PFKFB4: variants seen among roughly 807,000 people sequenced by gnomAD.
PFKFB4 encodes the protein 6-phosphofructo-2-kinase/fructose-2,6-biphosphatase 4.
A neutral mutation model predicts 62.8 loss-of-function variants in PFKFB4; 42 were observed. The observed-to-expected ratio is 0.67, with a 90% CI of 0.52 to 0.86. The LOEUF (loss-of-function observed/expected upper bound fraction) is 0.86, where lower values mean the gene tolerates loss of function less well. Ranked by LOEUF, PFKFB4 falls within the 40% of genes least tolerant of loss-of-function variation. The pLI, the probability that PFKFB4 is intolerant of heterozygous loss-of-function variation, is 0.00. For synonymous variants in PFKFB4, 204 were observed against 240.7 expected (o/e 0.85, Z 1.41); for missense variants, 475 against 627.2 (o/e 0.76, Z 2.59).
intron 3 of PFKFB4, among the ~76,000 whole-genome samples, chr3:48,545,630 T>C (rs1373558402): frequency 6.6e-6 from 1 of 151,626 alleles, no homozygotes; most frequent in Admixed American, 6.6e-5. Flanking sequence ...TTCTTTTCTT[T>C]CTTTTGTTTT....
chr3:48,536,140 C>G (rs528096069), intron 8 of PFKFB4, 116 bp downstream of exon 8: 2 of 847,732 alleles, frequency 2.4e-6, no homozygotes, highest in Non-Finnish European at 3.7e-6. Context: ...TCATTCACCT[C>G]GACTGCACAT....
upstream of PFKFB4, chr3:48,559,946 A>G (rs965451197): frequency 5.2e-6 from 1 of 190,742 alleles, no homozygotes; most frequent in African/African-American, 3.1e-5. Flanking sequence ...ACACACACAC[A>G]CACAGTCTCG....
Position 48,536,802 on chromosome 3 carries a change from C to T in PFKFB4, c.633-339G>A, listed in dbSNP as rs946862304. 4.5e-5 allele frequency: 14 copies of T among 310,708 alleles called. No individual in the cohort carries two copies. The Admixed American group carries it at 4.9e-4, about 11-fold the overall frequency. 19.2% of individuals were successfully genotyped at this position (310,708 alleles called of 1,614,324 possible). A position where few individuals can be genotyped will look rare whatever the true frequency, so the allele number is the denominator to read the frequency against. ...CCTGGGGCCCCTGTTGGCCTATCTCCGCACTCTCAATACACTGTCTGTAAG... is the reference window on the plus strand; with the variant it reads ...CCTGGGGCCCCTGTTGGCCTATCTCTGCACTCTCAATACACTGTCTGTAAG... On this transcript the variant is annotated intron_variant, in intron 7 of 13. Coordinates refer to ENST00000232375, the MANE Select transcript of PFKFB4 (RefSeq NM_004567.4).
chr3:48,561,841 AACCG>A (rs1209014357), upstream of PFKFB4: 1 of 152,246 alleles, frequency 6.6e-6, no homozygotes, highest in Non-Finnish European at 1.5e-5. The surrounding 1 kb of genome is among the most constrained non-coding windows in gnomAD (Gnocchi z 5.2). Flanking sequence ...CAGATAAGGA[AACCG>A]AGGCTCGGAA....
rs2042107620 is a variant in PFKFB4, at chr3:48,521,924, T to G, written c.1350+62A>C. The G allele has an allele frequency of 7.3e-7, 1 of 1,365,870 alleles. No individual in the cohort carries two copies. 84.6% of individuals were successfully genotyped at this position (1,365,870 alleles called of 1,614,324 possible). ...CAGCTGGGCCTGGCCCTGGAGGATG[T>G]GCAGTCTGGACACCCCCACATCAGG... On this transcript the variant is annotated intron_variant, in intron 13 of 13. Coordinates refer to ENST00000232375, the MANE Select transcript of PFKFB4 (RefSeq NM_004567.4). This position sits in a 1 kb window ranked among gnomAD's most constrained non-coding sequence, Gnocchi z 5.3.
chr3:48,519,600 G>T lies in PFKFB4; in HGVS notation c.*147C>A. 1.5e-6 allele frequency: 1 copy of T among 650,906 alleles called. No individual in the cohort carries two copies. Among genetic ancestry groups the T allele is most frequent in the Non-Finnish European group, 2.7e-6 (1 of 365,176 alleles). The allele number at this position is 650,906 out of a possible 1,614,324, so 40.3% of individuals were successfully genotyped here. A position where few individuals can be genotyped will look rare whatever the true frequency, so the allele number is the denominator to read the frequency against. ...TGTCAACAAAGAGCCAGGTGGGCTGGGGTGGGGGCTCTGGGTTCCGCCAGC... is the reference window on the plus strand; with the variant it reads ...TGTCAACAAAGAGCCAGGTGGGCTGTGGTGGGGGCTCTGGGTTCCGCCAGC... On this transcript the variant is annotated 3_prime_UTR_variant, in exon 14 of 14. Transcript: ENST00000232375.
rs1403327505 is a variant in PFKFB4, at chr3:48,556,076, G to T, written c.97+605C>A. ...TTACTGTACACCCATGACCCCAGGT[G>T]GATACTTACATGTCCCGGGACACAG... is the stretch of plus-strand genomic sequence containing the variant. On this transcript the variant is annotated intron_variant, in intron 1 of 13. Coordinates refer to ENST00000232375, the MANE Select transcript of PFKFB4 (RefSeq NM_004567.4). This position sits in a 1 kb window ranked among gnomAD's most constrained non-coding sequence, Gnocchi z 5.7. 6.6e-6 allele frequency: 3 copies of T among 456,632 alleles called. No homozygotes were observed. The highest frequency in any genetic ancestry group is 1.3e-5 in the Non-Finnish European group (3 of 226,970). 28.3% of individuals were successfully genotyped at this position (456,632 alleles called of 1,614,324 possible). A position where few individuals can be genotyped will look rare whatever the true frequency, so the allele number is the denominator to read the frequency against.
At position 48,529,020 on chromosome 3, in the gene PFKFB4, CTTAT is replaced by C. The variant is rs541772549; in HGVS notation, c.988-3355_988-3352del. ...ACACTAAAAACCACTGAACTGTATA[CTTAT>C]TTATTTATTTATTTATTTATTTATT... On this transcript the variant is annotated intron_variant, in intron 9 of 13. Transcript: ENST00000232375. Among the ~76,000 whole-genome samples, 1,135 of 151,678 alleles carry C rather than the reference CTTAT, an allele frequency of 7.5e-3. 15 individuals carry two copies. The highest frequency in any genetic ancestry group is 0.025 in the African/African-American group (1,027 of 41,260).
Position 48,556,628 on chromosome 3 carries a change from T to TA in PFKFB4, c.97+52dup. ...TGCGAGACCCCCGCCCAGGCCGCCC[T>TA]ACCCACCCATCCCGGTGCACCTCCC... On this transcript the variant is annotated intron_variant, in intron 1 of 13. Transcript: ENST00000232375. This position sits in a 1 kb window ranked among gnomAD's most constrained non-coding sequence, Gnocchi z 5.7. 1.4e-6 allele frequency: 1 copy of TA among 712,286 alleles called. No individual in the cohort carries two copies. The highest frequency in any genetic ancestry group is 2.2e-6 in the Non-Finnish European group (1 of 453,640). The allele number at this position is 712,286 out of a possible 1,614,324, so 44.1% of individuals were successfully genotyped here.
intron 8 of PFKFB4, among the ~76,000 whole-genome samples, chr3:48,535,954 G>C (rs1395828145): frequency 6.6e-6 from 1 of 152,170 alleles, no homozygotes; most frequent in Non-Finnish European, 1.5e-5. Flanking sequence ...GTCTCCCCTG[G>C]ACTGTGGCAC....
chr3:48,540,202 G>C (rs2042756563), intron 4 of PFKFB4, among the ~76,000 whole-genome samples: 1 of 152,192 alleles, frequency 6.6e-6, no homozygotes, highest in Non-Finnish European at 1.5e-5. Flanking sequence ...AGGATAAAGA[G>C]AAAAAGAGAT....
intron 3 of PFKFB4, among the ~76,000 whole-genome samples, chr3:48,546,599 C>T: frequency 6.6e-6 from 1 of 152,202 alleles, no homozygotes; most frequent in Admixed American, 6.5e-5. Context: ...AGAATGGTCC[C>T]CTTCGAAAGG....
chr3:48,562,619 C>T, upstream of PFKFB4: 1 of 675,642 alleles, frequency 1.5e-6, no homozygotes, highest in Non-Finnish European at 2.5e-6. This position sits in a 1 kb window ranked among gnomAD's most constrained non-coding sequence, Gnocchi z 4.3. Context: ...CTGATATGAC[C>T]TGCATGACAG....
At chr3:48,543,091 T>C (rs2107552610) in intron 4 of PFKFB4, among the ~76,000 whole-genome samples, 1 of 152,238 alleles carries the variant, frequency 6.6e-6, no homozygotes, top group African/African-American at 2.4e-5. Flanking sequence ...AGCCCCTGTG[T>C]TTGACTATAT....
chr3:48,523,533 T>A lies in PFKFB4; in HGVS notation c.1285+4A>T, dbSNP rs201101696. Reference sequence around the variant, plus strand: ...CATGGTCAATGTGCAGGAAGCTTCCTTACCATATGCCACAGGAGTCAGCTT... The same window carrying A: ...CATGGTCAATGTGCAGGAAGCTTCCATACCATATGCCACAGGAGTCAGCTT... On this transcript the variant is annotated splice_donor_region_variant and intron_variant, in intron 12 of 13. Transcript: ENST00000232375. 30 of 1,613,842 alleles carry A rather than the reference T, an allele frequency of 1.9e-5. No individual in the cohort carries two copies. Among genetic ancestry groups the A allele is most frequent in the Non-Finnish European group, 2.5e-5 (29 of 1,179,810 alleles).
At chr3:48,542,859 C>A (rs1328235084) in intron 4 of PFKFB4, among the ~76,000 whole-genome samples, 1 of 152,176 alleles carries the variant, frequency 6.6e-6, no homozygotes, top group Non-Finnish European at 1.5e-5. Flanking sequence ...TGCAAGGTCT[C>A]ACACAATTTA....
chr3:48,537,514 T>TC (rs2042661006), intron 7 of PFKFB4, among the ~76,000 whole-genome samples: 1 of 141,210 alleles, frequency 7.1e-6, no homozygotes, highest in Non-Finnish European at 1.5e-5. Flanking sequence ...TTCATGTGCA[T>TC]CCTTTTTTTT....
At chr3:48,542,333 C>CAA (rs1229597350) in intron 4 of PFKFB4, among the ~76,000 whole-genome samples, 3 of 58,854 alleles carry the variant, frequency 5.1e-5, no homozygotes, top group African/African-American at 6.0e-5. Context: ...GACTCCATCT[C>CAA]AAAAAAAAAA....
chr3:48,543,709 G>A, intron 3 of PFKFB4, 63 bp from the exon 4 acceptor site: 3 of 1,328,032 alleles, frequency 2.3e-6, no homozygotes, highest in Non-Finnish European at 3.2e-6. Flanking sequence ...GGGTGGCCAG[G>A]GACACACAAC....
Sources: gnomAD v4.1 joint callset for allele counts (sites outside exome capture counted in the v4.1 genomes callset) on GRCh38, gnomAD v4.1.1 for gene constraint, Gnocchi (gnomAD v3.1) non-coding constraint, MANE v1.5 for transcripts, NCBI Gene and HGNC (gene_info 2026-07-23, HGNC 2026-07-21) for gene names.